STARD13: variants seen among roughly 807,000 people sequenced by gnomAD.
The protein encoded by STARD13 is StAR related lipid transfer domain containing 13, also known as stAR-related lipid transfer protein 13.
In STARD13, 62 loss-of-function variants were observed where a neutral mutation model predicts 106.4. The ratio of observed to expected loss-of-function variants is 0.58; its 90% CI spans 0.48 to 0.72. The LOEUF (loss-of-function observed/expected upper bound fraction) is 0.72. STARD13 is among the 30% of genes least tolerant of loss of function. The pLI is 0.00. For missense variants in STARD13, 1,387 were observed against 1,424.0 expected, an observed-to-expected ratio of 0.97 and a Z score of 0.42; for synonymous variants, 565 against 553.0, an observed-to-expected ratio of 1.02 and a Z score of -0.31.
At chr13:33,133,459 A>G (rs927055975) in intron 4 of STARD13, among the ~76,000 whole-genome samples, 2 of 150,124 alleles carry the variant, frequency 1.3e-5, no homozygotes, top group Admixed American at 6.7e-5. Context: ...GCAAAATGCA[A>G]CAGAGAAAAA....
intron 1 of STARD13, among the ~76,000 whole-genome samples, chr13:33,320,663 T>C (rs1893525088): frequency 6.6e-6 from 1 of 152,176 alleles, no homozygotes; most frequent in Non-Finnish European, 1.5e-5. Flanking sequence ...CCCACAGATA[T>C]TTTTTAAATG....
Position 33,110,876 on chromosome 13 carries a change from T to A in STARD13, c.2639A>T (p.Asn880Ile), listed in dbSNP as rs760607626. 5 of 1,613,464 alleles carry A rather than the reference T, an allele frequency of 3.1e-6. No individual in the cohort carries two copies. The highest frequency in any genetic ancestry group is 4.2e-6 in the Non-Finnish European group (5 of 1,180,008). Reference protein sequence around the residue: ...VPHELVAQSRNSYVEAEIHVP... With the variant: ...VPHELVAQSRISYVEAEIHVP... ...GTGGATCTCAGCCTCCACATACGAG[T>A]TACGAGACTGGGCCACCAACTCGTG... Residue 880 changes from asparagine to isoleucine, a missense_variant, in exon 11 of 14, where the codon AAC becomes ATC. Transcript: ENST00000336934.
At chr13:33,330,902 C>A (rs1351821530) in intron 1 of STARD13, among the ~76,000 whole-genome samples, 1 of 152,122 alleles carries the variant, frequency 6.6e-6, no homozygotes, top group African/African-American at 2.4e-5. Flanking sequence ...ATGCTCTTTG[C>A]AACATCCATG....
At chr13:33,381,291 C>T in the STARD13 span, among the ~76,000 whole-genome samples, 1 of 151,982 alleles carries the variant, frequency 6.6e-6, no homozygotes, top group Non-Finnish European at 1.5e-5. Context: ...TTTTTTTGCT[C>T]CCTACCCCCT....
the STARD13 span, among the ~76,000 whole-genome samples, chr13:33,596,769 T>C: frequency 9.9e-5 from 15 of 152,178 alleles, no homozygotes; most frequent in Admixed American, 8.5e-4. Flanking sequence ...CTCCCACATA[T>C]GAGTGAGAAC....
intron 1 of STARD13, among the ~76,000 whole-genome samples, chr13:33,200,548 A>G (rs1886944864): frequency 6.6e-6 from 1 of 152,166 alleles, no homozygotes; most frequent in Admixed American, 6.5e-5. Context: ...CCGACATTGC[A>G]TGTGTGCTTG....
intron 1 of STARD13, among the ~76,000 whole-genome samples, chr13:33,209,047 A>AG (rs1272533706): frequency 6.6e-6 from 1 of 152,230 alleles, no homozygotes. Flanking sequence ...GTGGTCAGGA[A>AG]GTATGCCTAG....
At chr13:33,651,204 T>C in the STARD13 span, among the ~76,000 whole-genome samples, 3 of 152,340 alleles carry the variant, frequency 2.0e-5, no homozygotes, top group Admixed American at 6.5e-5. Context: ...CTGTTCTTCT[T>C]AATAAAAAAT....
the STARD13 span, among the ~76,000 whole-genome samples, chr13:33,376,656 A>G: frequency 6.6e-6 from 1 of 152,028 alleles, no homozygotes; most frequent in South Asian, 2.1e-4. Flanking sequence ...CAAAGGGAGG[A>G]AGCTGACAAT....
chr13:33,644,076 C>T, the STARD13 span, among the ~76,000 whole-genome samples: 2 of 152,182 alleles, frequency 1.3e-5, no homozygotes. Context: ...CAACCTTTTA[C>T]AAAAGGATGG....
At chr13:33,242,661 CAT>C (rs1889589590) in intron 1 of STARD13, among the ~76,000 whole-genome samples, 1 of 152,104 alleles carries the variant, frequency 6.6e-6, no homozygotes, top group Middle Eastern at 3.2e-3. Context: ...CCTTTGTTCA[CAT>C]GTTTATCTGC....
chr13:33,127,508 G>T lies in STARD13; in HGVS notation c.1787C>A (p.Pro596His). Residue 596 changes from proline (P) to histidine (H), a missense_variant, in exon 6 of 14, where the codon CCC (proline) becomes CAC (histidine). Transcript: ENST00000336934. The stretch of plus-strand genomic sequence containing the variant: ...GTGGGGCGATGCTGGGGCCGGCCGG[G>T]GCTGGTGCGACAGCTGGAAACTGTT... ...RWNSFQLSHQ[P>H]RPAPASPHIS... 6.4e-7 allele frequency: 1 copy of T among 1,574,230 alleles called. No individual in the cohort carries two copies.
intron 1 of STARD13, chr13:33,336,084 T>C (rs751803859): frequency 1.3e-5 from 2 of 152,240 alleles, no homozygotes; most frequent in Non-Finnish European, 2.9e-5. Flanking sequence ...AATAAGACAT[T>C]ACCCTTTCCC....
the STARD13 span, among the ~76,000 whole-genome samples, chr13:33,438,586 A>G: frequency 1.3e-5 from 2 of 152,188 alleles, no homozygotes; most frequent in African/African-American, 4.8e-5. Context: ...TTGGTTGTTT[A>G]GTGGGAGAGC....
At chr13:33,213,291 A>G (rs1836490957) in intron 1 of STARD13, among the ~76,000 whole-genome samples, 1 of 152,222 alleles carries the variant, frequency 6.6e-6, no homozygotes, top group South Asian at 2.1e-4. Flanking sequence ...TCTGGCTTAT[A>G]TTACCCAAAA....
rs191453381 is a variant in STARD13, at chr13:33,243,217, C to T, written c.169+42253G>A. On this transcript the variant is annotated intron_variant, in intron 1 of 13. Coordinates refer to ENST00000336934, the MANE Select transcript of STARD13 (RefSeq NM_178006.4). The stretch of plus-strand genomic sequence containing the variant: ...TCAGCTACCCCTCCTTTAAATACCA[C>T]AAACATTCATTCAACATTTATTGAG... Among the ~76,000 whole-genome samples the T allele has an allele frequency of 9.2e-5, 14 of 152,348 alleles. No homozygotes were observed. The South Asian group carries it at 1.2e-3, about 14-fold the overall frequency.
chr13:33,307,724 G>T (rs150202946), intron 1 of STARD13, among the ~76,000 whole-genome samples: 13 of 152,044 alleles, frequency 8.6e-5, no homozygotes, highest in Admixed American at 8.5e-4. Context: ...TAATACCTAG[G>T]TGATGGGTTC....
the STARD13 span, among the ~76,000 whole-genome samples, chr13:33,624,725 G>A: frequency 1.3e-5 from 2 of 152,182 alleles, no homozygotes; most frequent in African/African-American, 4.8e-5. Flanking sequence ...TTTGGATGTA[G>A]GTAATTGGAT....
chr13:33,413,327 A>G, the STARD13 span, among the ~76,000 whole-genome samples: 1 of 152,156 alleles, frequency 6.6e-6, no homozygotes, highest in Non-Finnish European at 1.5e-5. Context: ...TCTCAAATCA[A>G]TAATCTAAGA....
Sources: gnomAD v4.1 joint callset for allele counts (sites outside exome capture counted in the v4.1 genomes callset) on GRCh38, gnomAD v4.1.1 for gene constraint, MANE v1.5 for transcripts, NCBI Gene and HGNC (gene_info 2026-07-23, HGNC 2026-07-21) for gene names.